The following GLRX3 variants were observed in gnomAD, a reference collection of about 807,000 sequenced individuals.
The protein encoded by GLRX3 is glutaredoxin 3.
Under a neutral mutation model 49.5 loss-of-function variants are expected in GLRX3, and 22 were observed. That is an observed-to-expected ratio of 0.44 (90% confidence interval 0.32 to 0.63). The LOEUF is 0.63. Ranked by LOEUF, GLRX3 falls within the 30% of genes least tolerant of loss-of-function variation. The probability of loss-of-function intolerance (pLI) is 0.05; values close to 1 mark genes in which losing one functional copy is unlikely to be tolerated. For missense variants in GLRX3, 385 were observed against 396.3 expected (o/e 0.97, Z 0.24); for synonymous variants, 133 against 140.0 (o/e 0.95, Z 0.35).
At chr10:130,137,064 C>T (rs1268127147) in intron 1 of GLRX3, among the ~76,000 whole-genome samples, 1 of 152,028 alleles carries the variant, frequency 6.6e-6, no homozygotes, top group Non-Finnish European at 1.5e-5. Flanking sequence ...GGCCCCGTTG[C>T]ATTAGCTAGG....
At chr10:130,140,692 T>C (rs1437523213) in intron 1 of GLRX3, among the ~76,000 whole-genome samples, 3 of 152,206 alleles carry the variant, frequency 2.0e-5, no homozygotes, top group South Asian at 4.1e-4. Flanking sequence ...TTTTACTTAT[T>C]TGGGCTCATA....
At chr10:130,156,967 A>G (rs1450796756) in intron 2 of GLRX3, among the ~76,000 whole-genome samples, 2 of 152,218 alleles carry the variant, frequency 1.3e-5, no homozygotes, top group Non-Finnish European at 2.9e-5. Flanking sequence ...ACCATAGTAT[A>G]GTGAAAAAAG....
chr10:130,179,622 A>G lies in GLRX3; in HGVS notation c.*230A>G. ...AATTATTAACAATAATTGTATGAAA[A>G]AAGTGTATCTTTACAGCAGTATTAA... is the stretch of plus-strand genomic sequence containing the variant. On this transcript the variant is annotated 3_prime_UTR_variant, in exon 11 of 11. Coordinates refer to ENST00000331244, the MANE Select transcript of GLRX3 (RefSeq NM_006541.5). 1 of 481,530 alleles carries G rather than the reference A, an allele frequency of 2.1e-6. No individual in the cohort carries two copies. The highest frequency in any genetic ancestry group is 2.6e-5 in the South Asian group (1 of 38,040). The allele number at this position is 481,530 out of a possible 1,614,324, so 29.8% of individuals were successfully genotyped here.
intron 2 of GLRX3, among the ~76,000 whole-genome samples, chr10:130,156,946 A>G (rs947724433): frequency 1.3e-5 from 2 of 152,250 alleles, no homozygotes; most frequent in African/African-American, 4.8e-5. Flanking sequence ...TTGTAGTAGT[A>G]GAAAAAATTA....
intron 1 of GLRX3, among the ~76,000 whole-genome samples, chr10:130,138,802 C>T (rs1239057494): frequency 6.9e-6 from 1 of 144,996 alleles, no homozygotes; most frequent in Non-Finnish European, 1.5e-5. Flanking sequence ...GTTTTAAATG[C>T]TTCATGTTTT....
intron 10 of GLRX3, 83 bp from the exon 11 acceptor site, chr10:130,179,259 T>C (rs1375773014): frequency 8.6e-6 from 6 of 695,594 alleles, no homozygotes; most frequent in East Asian, 5.6e-5. Context: ...TTCTCAGATA[T>C]ACATACAAGC....
chr10:130,163,743 G>C lies in GLRX3; in HGVS notation c.478+2746G>C, dbSNP rs1862622122. Among the ~76,000 whole-genome samples the C allele has an allele frequency of 2.0e-5, 3 of 152,130 alleles. No homozygotes were observed. The South Asian group carries it at 6.2e-4, about 32-fold the overall frequency. Reference sequence around the variant, plus strand: ...GGAACATAAGTCACCTCGACCCTCTGCTGTTCCTTTCTGAGCCTGGTTAGT... The same window carrying C: ...GGAACATAAGTCACCTCGACCCTCTCCTGTTCCTTTCTGAGCCTGGTTAGT... On this transcript the variant is annotated intron_variant, in intron 4 of 10. Coordinates refer to ENST00000331244, the MANE Select transcript of GLRX3 (RefSeq NM_006541.5).
chr10:130,155,724 A>G (rs10764931), intron 2 of GLRX3, among the ~76,000 whole-genome samples: 32,099 of 152,058 alleles, frequency 0.21, 3,479 homozygotes, highest in Middle Eastern at 0.28. Flanking sequence ...TGGGAGTTGT[A>G]ATAGCAGCGT....
At chr10:130,137,154 GAGAC>G (rs1428261885) in intron 1 of GLRX3, among the ~76,000 whole-genome samples, 1 of 152,220 alleles carries the variant, frequency 6.6e-6, no homozygotes, top group African/African-American at 2.4e-5. Flanking sequence ...CCTGTTGCCG[GAGAC>G]AGAGATTTCC....
At chr10:130,159,912 TA>T in intron 2 of GLRX3, 82 bp from the exon 3 acceptor site, 1 of 1,250,122 alleles carries the variant, frequency 8.0e-7, no homozygotes. Context: ...CTTGAAGGGA[TA>T]ATGCATGTGA....
intron 4 of GLRX3, 41 bp from the exon 5 acceptor site, chr10:130,166,466 G>T: frequency 2.7e-6 from 4 of 1,486,034 alleles, no homozygotes; most frequent in South Asian, 1.1e-5. Context: ...TGTGTTTTGG[G>T]AGAGAGAAGT....
At position 130,136,400 on chromosome 10, in the gene GLRX3, C is replaced by G; in HGVS notation, c.-21C>G. On this transcript the variant is annotated 5_prime_UTR_variant, in exon 1 of 11. Transcript: ENST00000331244. ...ACATCCGGCCGCCGGCACTGGATTG[C>G]TTCTGTCTGGCGGCGGCAGCATGGC... The G allele has an allele frequency of 9.6e-6, 12 of 1,249,652 alleles. No individual in the cohort carries two copies. The highest frequency in any genetic ancestry group is 1.2e-5 in the Non-Finnish European group (12 of 991,420). The allele number at this position is 1,249,652 out of a possible 1,614,324, so 77.4% of individuals were successfully genotyped here.
Position 130,171,652 on chromosome 10 carries a change from T to G in GLRX3, c.824+16T>G. On this transcript the variant is annotated intron_variant, in intron 8 of 10. Coordinates refer to ENST00000331244, the MANE Select transcript of GLRX3 (RefSeq NM_006541.5). ...ATAGTACTGGGTATGTAAATGTTGT[T>G]TTCAAATGGTGTATTAAAAAAATTC... 1 of 1,341,838 alleles carries G rather than the reference T, an allele frequency of 7.5e-7. No homozygotes were observed. Among genetic ancestry groups the G allele is most frequent in the Non-Finnish European group, 1.1e-6 (1 of 932,314 alleles). 83.1% of individuals were successfully genotyped at this position (1,341,838 alleles called of 1,614,324 possible).
At chr10:130,149,967 G>A (rs1862341607) in intron 2 of GLRX3, among the ~76,000 whole-genome samples, 1 of 150,352 alleles carries the variant, frequency 6.7e-6, no homozygotes, top group African/African-American at 2.4e-5. Flanking sequence ...GGCCGGGCAT[G>A]GTGGCTCACG....
chr10:130,178,200 G>A (rs1420300064), intron 10 of GLRX3, among the ~76,000 whole-genome samples: 1 of 152,152 alleles, frequency 6.6e-6, no homozygotes, highest in African/African-American at 2.4e-5. Flanking sequence ...AGAACGGGAG[G>A]GGAACAAGCA....
intron 2 of GLRX3, among the ~76,000 whole-genome samples, chr10:130,149,107 T>C (rs1039511560): frequency 2.0e-5 from 3 of 152,232 alleles, no homozygotes; most frequent in Admixed American, 2.0e-4. Flanking sequence ...GTGCTGTGTT[T>C]ATAATGGGTG....
At position 130,145,278 on chromosome 10, in the gene GLRX3, G is replaced by T; in HGVS notation, c.160G>T (p.Ala54Ser). 6.4e-7 allele frequency: 1 copy of T among 1,564,646 alleles called. No individual in the cohort carries two copies. Among genetic ancestry groups the T allele is most frequent in the Non-Finnish European group, 8.8e-7 (1 of 1,135,442 alleles). The change falls in exon 2 of 11, where the codon GCA becomes TCA. Residue 54 changes from alanine (A) to serine (S), a missense_variant. This residue lies in a region of GLRX3 where 374 missense variants were observed against 358.6 expected (regional missense o/e 1.04). Coordinates refer to ENST00000331244, the MANE Select transcript of GLRX3 (RefSeq NM_006541.5). ...PQCAQMNEVMAELAKELPQVS... is the reference protein window; with the variant it reads ...PQCAQMNEVMSELAKELPQVS... The stretch of plus-strand genomic sequence containing the variant: ...GTGTGCACAGATGAACGAAGTTATG[G>T]CAGAGTTAGCTAAAGAACTCCCTCA...
intron 2 of GLRX3, among the ~76,000 whole-genome samples, chr10:130,149,652 T>G (rs903708816): frequency 6.6e-6 from 1 of 152,026 alleles, no homozygotes; most frequent in Non-Finnish European, 1.5e-5. Flanking sequence ...CAAAATATGG[T>G]ATCTGGCAGA....
Position 130,153,019 on chromosome 10 carries a change from C to A in GLRX3, c.202-6976C>A, listed in dbSNP as rs947617689. 3.5e-4 allele frequency among the ~76,000 whole-genome samples: 53 copies of A among 152,120 alleles called. 1 individual carries two copies. Among genetic ancestry groups the A allele is most frequent in the Non-Finnish European group, 4.1e-4 (28 of 68,014 alleles). ...TCGTTTCTTTTCACTCTTTTTTGCT[C>A]TAATCTTGTCTTCTCACTTTATTTC... On this transcript the variant is annotated intron_variant, in intron 2 of 10. Transcript: ENST00000331244.
Sources: allele counts gnomAD v4.1 joint callset (sites outside exome capture counted in the v4.1 genomes callset), GRCh38; gene constraint gnomAD v4.1.1; regional missense constraint gnomAD v4.1.1; transcripts MANE v1.5; gene names NCBI Gene and HGNC (gene_info 2026-07-23, HGNC 2026-07-21).